The following CADPS2 variants were observed in gnomAD, a reference collection of about 807,000 sequenced individuals.
CADPS2 encodes calcium-dependent secretion activator 2.
In CADPS2, 93 loss-of-function variants were observed where a neutral mutation model predicts 172.5. The ratio of observed to expected loss-of-function variants is 0.54; its 90% CI spans 0.46 to 0.64. CADPS2 has a LOEUF of 0.64. Among genes scored for constraint, CADPS2 ranks in the 30% least tolerant of loss-of-function variants. The pLI, the probability that CADPS2 is intolerant of heterozygous loss-of-function variation, is 0.00. For synonymous variants in CADPS2, 546 were observed against 555.2 expected, an observed-to-expected ratio of 0.98 and a Z score of 0.23; for missense variants, 1,420 against 1,565.9, an observed-to-expected ratio of 0.91 and a Z score of 1.57.
intron 2 of CADPS2, among the ~76,000 whole-genome samples, chr7:122,677,007 T>G (rs1398682857): frequency 6.6e-6 from 1 of 152,164 alleles, no homozygotes; most frequent in Non-Finnish European, 1.5e-5. Context: ...AAGGACACAC[T>G]TGTGTAGCCC....
rs138498203 is a variant in CADPS2, at chr7:122,673,104, G to A, written c.454-9535C>T. On this transcript the variant is annotated intron_variant, in intron 2 of 29. Transcript: ENST00000449022. ...TGGGTTCGTGGTCTTGCTGGCTTCC[G>A]GCTTCAGGAGTGAAGTTGCAGACCT... 1.8e-3 allele frequency among the ~76,000 whole-genome samples: 268 copies of A among 152,268 alleles called. 3 individuals carry two copies. The highest frequency in any genetic ancestry group is 6.3e-3 in the African/African-American group (262 of 41,550).
At chr7:122,654,631 T>C (rs1183583663) in intron 3 of CADPS2, among the ~76,000 whole-genome samples, 1 of 152,180 alleles carries the variant, frequency 6.6e-6, no homozygotes, top group African/African-American at 2.4e-5. Context: ...AAAATAGTAT[T>C]GCTCATTGAC....
rs377647832 is a variant in CADPS2 at position 122,875,703 on chromosome 7, T to C, written c.339+10296A>G. ...CTCTTCTGATTAAATATGTAAATAC[T>C]GGTTCAAGGAAAAAAGTAAAATCTG... On this transcript the variant is annotated intron_variant, in intron 1 of 29. Coordinates refer to ENST00000449022, the MANE Select transcript of CADPS2 (RefSeq NM_017954.11). 1.7e-4 allele frequency among the ~76,000 whole-genome samples: 26 copies of C among 152,264 alleles called. No individual in the cohort carries two copies. In the East Asian group the frequency reaches 4.2e-3, roughly 25 times the overall value.
chr7:122,716,354 G>A (rs1564157767), intron 2 of CADPS2, among the ~76,000 whole-genome samples: 1 of 151,998 alleles, frequency 6.6e-6, no homozygotes, highest in Admixed American at 6.6e-5. Flanking sequence ...CATAGGGCAG[G>A]CCCACCCCCT....
At chr7:122,864,610 G>A (rs142465282) in intron 1 of CADPS2, among the ~76,000 whole-genome samples, 16 of 152,094 alleles carry the variant, frequency 1.1e-4, no homozygotes, top group Admixed American at 9.2e-4. Context: ...GAAAATGACC[G>A]TCAAGTAGGC....
chr7:122,610,760 C>T (rs1411014881), intron 6 of CADPS2, among the ~76,000 whole-genome samples: 2 of 152,022 alleles, frequency 1.3e-5, no homozygotes, highest in African/African-American at 2.4e-5. Context: ...AGAGAAGTTG[C>T]ACTCCCTCAA....
intron 2 of CADPS2, among the ~76,000 whole-genome samples, chr7:122,678,038 T>C (rs1043770808): frequency 2.6e-5 from 4 of 152,208 alleles, no homozygotes; most frequent in Non-Finnish European, 4.4e-5. Context: ...AACTGCATCT[T>C]TGAAATCTCT....
intron 7 of CADPS2, among the ~76,000 whole-genome samples, chr7:122,555,456 T>C (rs190539657): frequency 3.4e-4 from 52 of 152,212 alleles, no homozygotes; most frequent in East Asian, 1.4e-3. Context: ...TAAGCCTTAA[T>C]ATTTTTAAAT....
intron 6 of CADPS2, among the ~76,000 whole-genome samples, chr7:122,597,328 C>G (rs369356977): frequency 6.6e-6 from 1 of 152,142 alleles, no homozygotes; most frequent in East Asian, 1.9e-4. Flanking sequence ...ATCATTATAT[C>G]TGGCAAATCA....
chr7:122,678,883 T>C (rs890183482), intron 2 of CADPS2, among the ~76,000 whole-genome samples: 2 of 150,072 alleles, frequency 1.3e-5, no homozygotes, highest in Non-Finnish European at 3.0e-5. Flanking sequence ...AGAACATAAA[T>C]TGTGAAGATT....
chr7:122,613,356 G>C (rs1457271545), intron 6 of CADPS2, among the ~76,000 whole-genome samples: 2 of 151,964 alleles, frequency 1.3e-5, no homozygotes. Context: ...GAATAAACTT[G>C]ATATATGGCA....
chr7:122,842,405 G>A (rs1810804314), intron 1 of CADPS2, among the ~76,000 whole-genome samples: 1 of 152,166 alleles, frequency 6.6e-6, no homozygotes, highest in South Asian at 2.1e-4. Flanking sequence ...CTGGTTTGCA[G>A]CTGTGTTCTT....
chr7:122,772,937 A>C (rs2093747669), intron 1 of CADPS2, among the ~76,000 whole-genome samples: 4 of 152,104 alleles, frequency 2.6e-5, no homozygotes. Context: ...AATAGACAAA[A>C]TTTCTGTTTA....
intron 19 of CADPS2, among the ~76,000 whole-genome samples, chr7:122,410,024 C>T (rs571286764): frequency 1.2e-4 from 19 of 152,192 alleles, no homozygotes; most frequent in Non-Finnish European, 2.4e-4. Context: ...TAAAACAAAC[C>T]TTGATTTTAA....
chr7:122,851,897 G>C (rs1390710669), intron 1 of CADPS2, among the ~76,000 whole-genome samples: 1 of 152,256 alleles, frequency 6.6e-6, no homozygotes, highest in Non-Finnish European at 1.5e-5. Flanking sequence ...AGCCATATCA[G>C]AGCCCTTACT....
chr7:122,734,627 C>A (rs2092011462), intron 2 of CADPS2, among the ~76,000 whole-genome samples: 1 of 151,714 alleles, frequency 6.6e-6, no homozygotes, highest in Admixed American at 6.6e-5. Flanking sequence ...AGATCATGAT[C>A]ACAGGAAAAT....
chr7:122,631,829 A>G (rs547779927), intron 3 of CADPS2, among the ~76,000 whole-genome samples: 8 of 152,136 alleles, frequency 5.3e-5, no homozygotes, highest in African/African-American at 1.7e-4. Context: ...TCCAATAGGT[A>G]GTTTTTCAGC....
intron 1 of CADPS2, among the ~76,000 whole-genome samples, chr7:122,748,089 T>C (rs1258209622): frequency 1.3e-5 from 2 of 152,158 alleles, no homozygotes; most frequent in Non-Finnish European, 2.9e-5. Flanking sequence ...GTAAATCATC[T>C]ACAGTAGAAG....
intron 11 of CADPS2, among the ~76,000 whole-genome samples, chr7:122,487,157 C>T (rs751226233): frequency 6.6e-6 from 1 of 151,836 alleles, no homozygotes; most frequent in Non-Finnish European, 1.5e-5. Context: ...ACTACAGCCA[C>T]GTACCACCAT....
Sources: allele counts gnomAD v4.1 joint callset (sites outside exome capture counted in the v4.1 genomes callset), GRCh38; gene constraint gnomAD v4.1.1; transcripts MANE v1.5; gene names NCBI Gene and HGNC (gene_info 2026-07-23, HGNC 2026-07-21).